The following SIM2 variants were observed in gnomAD, a reference collection of about 807,000 sequenced individuals.
SIM2 encodes SIM bHLH transcription factor 2.
SIM2 carries 28 observed loss-of-function variants against 64.8 expected under a neutral mutation model. The ratio of observed to expected loss-of-function variants is 0.43; its 90% confidence interval spans 0.32 to 0.59. The LOEUF (loss-of-function observed/expected upper bound fraction) is 0.59. Among genes scored for constraint, SIM2 ranks in the 20% least tolerant of loss-of-function variants. The pLI, the probability that SIM2 is intolerant of heterozygous loss-of-function variation, is 0.07. For synonymous variants in SIM2, 408 were observed against 391.1 expected (o/e 1.04, Z -0.51); for missense variants, 847 against 871.4 (o/e 0.97, Z 0.35).
intron 7 of SIM2, among the ~76,000 whole-genome samples, 186 bp downstream of exon 7, chr21:36,731,337 AAGCAGC>A (rs1217731996): frequency 3.6e-4 from 55 of 151,088 alleles, no homozygotes; most frequent in African/African-American, 1.3e-3. Context: ...GTCGGTTCTC[AAGCAGC>A]CACGCGCACC....
In SIM2 at chr21:36,709,180, C is replaced by A. The variant is rs116988298; in HGVS notation, c.188C>A (p.Ala63Glu). Residue 63 changes from alanine (A) to glutamate (E), a missense_variant, in exon 2 of 11, where the codon GCG becomes GAG. This residue lies in a region of SIM2 where 397 missense variants were observed against 439.2 expected (regional missense o/e 0.90). Transcript: ENST00000290399. Reference protein sequence around the residue: ...RAVFPEGLGDAWGQPSRAGPL... With the variant: ...RAVFPEGLGDEWGQPSRAGPL... ...GTCCCTCGTCCAGGTTTAGGAGACG[C>A]GTGGGGACAGCCGAGCCGCGCCGGG... The A allele has an allele frequency of 3.1e-6, 5 of 1,609,028 alleles. No homozygotes were observed. The highest frequency in any genetic ancestry group is 4.2e-6 in the Non-Finnish European group (5 of 1,178,304).
intron 5 of SIM2, among the ~76,000 whole-genome samples, chr21:36,724,955 G>A (rs2088870201): frequency 1.3e-5 from 2 of 152,166 alleles, no homozygotes; most frequent in Non-Finnish European, 2.9e-5. Context: ...AATTGGAAGG[G>A]CTTCTGTAGG....
Position 36,748,903 on chromosome 21 carries a change from C to G in SIM2, c.*811C>G, listed in dbSNP as rs1474971613. On this transcript the variant is annotated 3_prime_UTR_variant, in exon 11 of 11. Transcript: ENST00000290399. ...CCTGTCAAGCTTCATTATTACGTGG[C>G]AAAATCCCTCTGGCCCACACAGATC... 1.3e-5 allele frequency: 2 copies of G among 152,626 alleles called. No individual in the cohort carries two copies. Among genetic ancestry groups the G allele is most frequent in the African/African-American group, 4.8e-5 (2 of 41,436 alleles). The allele number at this position is 152,626 out of a possible 1,614,324, so 9.5% of individuals were successfully genotyped here.
intron 6 of SIM2, among the ~76,000 whole-genome samples, chr21:36,727,302 T>G (rs1046912489): frequency 6.6e-6 from 1 of 152,144 alleles, no homozygotes; most frequent in Admixed American, 6.5e-5. Context: ...CCCAAAGTGC[T>G]GGGATTCCAG....
Position 36,709,449 on chromosome 21 carries a change from AC to A in SIM2, c.258+202del, listed in dbSNP as rs1365511251. On this transcript the variant is annotated intron_variant, in intron 2 of 10. Coordinates refer to ENST00000290399, the MANE Select transcript of SIM2 (RefSeq NM_005069.6). ...GCGGCCTGCGGCCAACCCTACCCTA[AC>A]CCTACGTCTGCCCCCACACCCCGCC... 5.8e-6 allele frequency: 4 copies of A among 691,136 alleles called. No individual in the cohort carries two copies. The Admixed American group carries it at 8.1e-5, about 14-fold the overall frequency. The allele number at this position is 691,136 out of a possible 1,614,324, so 42.8% of individuals were successfully genotyped here. A position where few individuals can be genotyped will look rare whatever the true frequency, so the allele number is the denominator to read the frequency against.
intron 1 of SIM2, among the ~76,000 whole-genome samples, chr21:36,708,337 G>A (rs940479390): frequency 6.6e-4 from 101 of 152,364 alleles, no homozygotes; most frequent in Non-Finnish European, 1.5e-4. Context: ...CAGGAGGGGA[G>A]TCCTGACGGG....
chr21:36,740,178 T>C, intron 7 of SIM2, among the ~76,000 whole-genome samples: 1 of 151,818 alleles, frequency 6.6e-6, no homozygotes, highest in East Asian at 1.9e-4. Context: ...ATATTCACAG[T>C]GTTGAACAAC....
At position 36,748,326 on chromosome 21, in the gene SIM2, G is replaced by T; in HGVS notation, c.*234G>T. On this transcript the variant is annotated 3_prime_UTR_variant, in exon 11 of 11. Transcript: ENST00000290399. Reference sequence around the variant, plus strand: ...CCGCCTCTGTCCTGCGAGGGCCGGTGCGACCCAGTTGCTGGGGGCTTGGTT... The same window carrying T: ...CCGCCTCTGTCCTGCGAGGGCCGGTTCGACCCAGTTGCTGGGGGCTTGGTT... 4.8e-6 allele frequency: 1 copy of T among 208,348 alleles called. No individual in the cohort carries two copies. Among genetic ancestry groups the T allele is most frequent in the Non-Finnish European group, 9.6e-6 (1 of 104,214 alleles). 12.9% of individuals were successfully genotyped at this position (208,348 alleles called of 1,614,324 possible).
intron 9 of SIM2, 129 bp downstream of exon 9, chr21:36,743,684 C>G (rs1426174592): frequency 4.4e-6 from 4 of 914,036 alleles, no homozygotes; most frequent in Middle Eastern, 2.3e-4. Flanking sequence ...AGCAAGGTCC[C>G]TCTGGGATGT....
At chr21:36,716,923 T>A (rs1026017659) in intron 3 of SIM2, among the ~76,000 whole-genome samples, 1 of 152,090 alleles carries the variant, frequency 6.6e-6, no homozygotes, top group Admixed American at 6.5e-5. Context: ...GATAGATACG[T>A]AAATACAGGA....
In SIM2 at chr21:36,732,464, G is replaced by C. The variant is rs566527398; in HGVS notation, c.850+1313G>C. On this transcript the variant is annotated intron_variant, in intron 7 of 10. Coordinates refer to ENST00000290399, the MANE Select transcript of SIM2 (RefSeq NM_005069.6). ...CAGGCCGCTAGGTCCACAGATGCGT[G>C]GTGTGCTGGGCTCCGTGTGGACTGG... Among the ~76,000 whole-genome samples the C allele has an allele frequency of 3.9e-5, 6 of 152,338 alleles. No individual in the cohort carries two copies. The South Asian group carries it at 6.2e-4, about 16-fold the overall frequency.
chr21:36,718,195 CTCT>C (rs2088771625), intron 3 of SIM2, among the ~76,000 whole-genome samples: 1 of 152,222 alleles, frequency 6.6e-6, no homozygotes, highest in South Asian at 2.1e-4. Flanking sequence ...AAGCAACTCG[CTCT>C]TCTTAACAAA....
intron 2 of SIM2, 81 bp downstream of exon 2, chr21:36,709,331 T>G (rs1440720484): frequency 1.7e-6 from 2 of 1,188,138 alleles, no homozygotes. Context: ...CAGGCGTCCC[T>G]TCCCCAGGAG....
In SIM2 at chr21:36,741,751, C is replaced by T; in HGVS notation, c.885C>T (p.Tyr295=). Reference sequence around the variant, plus strand: ...AGGGCCAGGTCACCACCAAGTACTACCGGCTGCTGTCCAAGCGGGGCGGCT... The same window carrying T: ...AGGGCCAGGTCACCACCAAGTACTATCGGCTGCTGTCCAAGCGGGGCGGCT... ...LVKGQVTTKY[Y]RLLSKRGGWV... Residue 295 remains tyrosine, a synonymous_variant, in exon 8 of 11, where the codon TAC becomes TAT. Transcript: ENST00000290399. 1 of 1,613,564 alleles carries T rather than the reference C, an allele frequency of 6.2e-7. No individual in the cohort carries two copies. Among genetic ancestry groups the T allele is most frequent in the South Asian group, 1.1e-5 (1 of 90,984 alleles).
At position 36,747,927 on chromosome 21, in the gene SIM2, G is replaced by T. The variant is rs1237857361; in HGVS notation, c.1839G>T (p.Gly613=). The T allele has an allele frequency of 9.6e-7, 1 of 1,038,228 alleles. No individual in the cohort carries two copies. The highest frequency in any genetic ancestry group is 4.9e-5 in the Admixed American group (1 of 20,234). The allele number at this position is 1,038,228 out of a possible 1,614,324, so 64.3% of individuals were successfully genotyped here. The stretch of plus-strand genomic sequence containing the variant: ...TGCTGGCCCGGCGCGGACCGCTGGG[G>T]GGCGCCGCACCCGCCGCCTCCGGCC... ...HRVLARRGPL[G]GAAPAASGLA... The change falls in exon 11 of 11, where the codon GGG becomes GGT. Residue 613 remains glycine (G), a synonymous_variant. Coordinates refer to ENST00000290399, the MANE Select transcript of SIM2 (RefSeq NM_005069.6). This position sits in a 1 kb window ranked among gnomAD's most constrained non-coding sequence, Gnocchi z 4.5.
chr21:36,730,936 T>G (rs2088958334), intron 6 of SIM2, 109 bp from the exon 7 acceptor site: 4 of 756,876 alleles, frequency 5.3e-6, no homozygotes, highest in Admixed American at 4.5e-5. Context: ...AAATCAACAT[T>G]TCCCGCCTGA....
Position 36,745,009 on chromosome 21 carries a change from G to A in SIM2, c.1449G>A (p.Leu483=). 1.9e-6 allele frequency: 3 copies of A among 1,614,196 alleles called. No individual in the cohort carries two copies. The highest frequency in any genetic ancestry group is 1.1e-5 in the South Asian group (1 of 91,086). The change falls in exon 10 of 11, where the codon CTG becomes CTA. Residue 483 remains leucine, a synonymous_variant. Coordinates refer to ENST00000290399, the MANE Select transcript of SIM2 (RefSeq NM_005069.6). The surrounding 1 kb of genome is among the most constrained non-coding windows in gnomAD (Gnocchi z 4.8). ...CEVARFFLST[L]PASGECQWHY... is the part of the protein sequence containing the mutation. ...TGGCACGCTTTTTCCTGAGCACACTGCCAGCCAGCGGTGAATGCCAGTGGC... is the reference window on the plus strand; with the variant it reads ...TGGCACGCTTTTTCCTGAGCACACTACCAGCCAGCGGTGAATGCCAGTGGC...
At chr21:36,723,489 C>T (rs567550359) in intron 5 of SIM2, among the ~76,000 whole-genome samples, 1 of 152,318 alleles carries the variant, frequency 6.6e-6, no homozygotes, top group East Asian at 1.9e-4. Flanking sequence ...ATCCAGAGCA[C>T]GGACACTGCC....
intron 1 of SIM2, among the ~76,000 whole-genome samples, chr21:36,708,297 C>A (rs952133460): frequency 1.3e-5 from 2 of 152,210 alleles, no homozygotes; most frequent in South Asian, 2.1e-4. Context: ...TGGGGTCTCG[C>A]GGGGCGCAGC....
Sources: gnomAD v4.1 joint callset for allele counts (sites outside exome capture counted in the v4.1 genomes callset) on GRCh38, gnomAD v4.1.1 for gene constraint, gnomAD v4.1.1 regional missense constraint, Gnocchi (gnomAD v3.1) non-coding constraint, MANE v1.5 for transcripts, NCBI Gene and HGNC (gene_info 2026-07-23, HGNC 2026-07-21) for gene names.